Variants in ARFGEF1 observed in about 807,000 individuals in gnomAD.
ARFGEF1 encodes ARF guanine nucleotide exchange factor 1.
Under a neutral mutation model 231.0 loss-of-function variants are expected in ARFGEF1, and 42 were observed. That is an observed-to-expected ratio of 0.18 (90% CI 0.14 to 0.24). ARFGEF1 has a LOEUF of 0.24. Ranked by LOEUF, ARFGEF1 falls within the 10% of genes least tolerant of loss-of-function variation. The probability of loss-of-function intolerance (pLI) is 1.00; values close to 1 mark genes in which losing one functional copy is unlikely to be tolerated. For missense variants in ARFGEF1, 1,345 were observed against 2,192.0 expected (o/e 0.61, Z 7.72); for synonymous variants, 710 against 732.3 (o/e 0.97, Z 0.49).
In ARFGEF1 at chr8:67,218,030, C is replaced by A. The variant is rs142342517; in HGVS notation, c.4447G>T (p.Ala1483Ser). Reference sequence around the variant, plus strand: ...TGCTGCACACACCAGTAGAGCTGAGCAAAAATGTCATCCAAAAGTACATCA... The same window carrying A: ...TGCTGCACACACCAGTAGAGCTGAGAAAAAATGTCATCCAAAAGTACATCA... ...LSDVLLDDIF[A>S]QLYWCVQQDN... Residue 1483 changes from alanine (A) to serine (S), a missense_variant, in exon 31 of 39, where the codon GCT (alanine) becomes TCT (serine). Around this residue, in one of 14 missense-constraint regions of ARFGEF1, gnomAD observed 54 missense variants for 86.5 expected, o/e 0.62. Coordinates refer to ENST00000262215, the MANE Select transcript of ARFGEF1 (RefSeq NM_006421.5). 9,781 of 1,610,474 alleles carry A rather than the reference C, an allele frequency of 6.1e-3. 48 individuals carry two copies. The highest frequency in any genetic ancestry group is 7.1e-3 in the Non-Finnish European group (8,402 of 1,178,454).
At chr8:67,316,834 C>G (rs952135621) in intron 1 of ARFGEF1, among the ~76,000 whole-genome samples, 1 of 152,170 alleles carries the variant, frequency 6.6e-6, no homozygotes, top group African/African-American at 2.4e-5. Flanking sequence ...ACCCTTGACA[C>G]TTCCTGACAG....
At chr8:67,257,886 C>T (rs997919450) in intron 16 of ARFGEF1, 70 bp from the exon 17 acceptor site, 6 of 1,341,074 alleles carry the variant, frequency 4.5e-6, no homozygotes, top group Non-Finnish European at 3.1e-6. Flanking sequence ...TAAGTCACCT[C>T]AAATCCCATA....
intron 36 of ARFGEF1, 128 bp from the exon 37 acceptor site, chr8:67,201,733 C>T: frequency 4.0e-6 from 5 of 1,239,186 alleles, no homozygotes; most frequent in South Asian, 4.0e-5. Context: ...AACGGAGCCA[C>T]AGCAGCCTGA....
At chr8:67,340,308 A>G (rs1587356845) in intron 1 of ARFGEF1, among the ~76,000 whole-genome samples, 1 of 152,204 alleles carries the variant, frequency 6.6e-6, no homozygotes, top group South Asian at 2.1e-4. Context: ...GGGTTATAAC[A>G]CCACCCACAA....
chr8:67,302,706 T>C (rs1391411635), intron 1 of ARFGEF1, among the ~76,000 whole-genome samples: 2 of 152,122 alleles, frequency 1.3e-5, no homozygotes. Flanking sequence ...AGATTATTAA[T>C]TCCCAACGCA....
At chr8:67,307,086 G>T (rs769236724) in intron 1 of ARFGEF1, among the ~76,000 whole-genome samples, 3 of 152,152 alleles carry the variant, frequency 2.0e-5, no homozygotes, top group Non-Finnish European at 4.4e-5. Context: ...GCCACAAATG[G>T]ATAGTTTTTA....
chr8:67,281,221 A>G (rs1248810418), intron 7 of ARFGEF1, among the ~76,000 whole-genome samples: 1 of 152,196 alleles, frequency 6.6e-6, no homozygotes, highest in Non-Finnish European at 1.5e-5. Flanking sequence ...ATAGCAATCA[A>G]GGACATGATC....
chr8:67,334,486 G>A (rs1414388506), intron 1 of ARFGEF1, among the ~76,000 whole-genome samples: 3 of 152,128 alleles, frequency 2.0e-5, no homozygotes, highest in African/African-American at 7.2e-5. Flanking sequence ...TACACTGCTG[G>A]TGGGTATGTA....
intron 1 of ARFGEF1, among the ~76,000 whole-genome samples, chr8:67,305,395 GTTGTTTTTGT>G (rs1806692303): frequency 1.3e-5 from 2 of 151,974 alleles, no homozygotes; most frequent in African/African-American, 2.4e-5. Context: ...TGTTTCTCTA[GTTGTTTTTGT>G]TTGTTTTTGT....
chr8:67,210,236 G>A (rs1027808050), intron 34 of ARFGEF1, among the ~76,000 whole-genome samples: 1 of 151,672 alleles, frequency 6.6e-6, no homozygotes, highest in East Asian at 1.9e-4. Context: ...CAAGCATGTT[G>A]GGAAGCTGAG....
intron 1 of ARFGEF1, among the ~76,000 whole-genome samples, chr8:67,321,589 T>C (rs1459166990): frequency 6.6e-6 from 1 of 151,968 alleles, no homozygotes; most frequent in Non-Finnish European, 1.5e-5. Context: ...GCCTCCCGAG[T>C]AGCTGGGAGT....
intron 14 of ARFGEF1, among the ~76,000 whole-genome samples, chr8:67,264,494 T>C (rs1253846494): frequency 1.3e-5 from 2 of 152,078 alleles, no homozygotes; most frequent in Admixed American, 1.3e-4. Context: ...GTCTTTTGTT[T>C]TGGGTAGGAG....
chr8:67,250,473 G>A (rs1040739692), intron 19 of ARFGEF1, among the ~76,000 whole-genome samples: 7 of 152,176 alleles, frequency 4.6e-5, no homozygotes, highest in African/African-American at 1.7e-4. Flanking sequence ...CTTCATCAAC[G>A]TTTAGAAATA....
chr8:67,181,644 T>A lies in ARFGEF1; in HGVS notation c.561-6072A>T, dbSNP rs200258954. Among the ~76,000 whole-genome samples the A allele has an allele frequency of 4.5e-4, 68 of 152,306 alleles. 1 individual carries two copies. In the East Asian group the frequency reaches 0.012, roughly 28 times the overall value. On this transcript the variant is annotated intron_variant, in intron 5 of 5. Transcript: ENST00000518789. The stretch of plus-strand genomic sequence containing the variant: ...ATGTAAAGCTGATGGTTTCAGTGCA[T>A]TATTTTAAAAAATAGGGTTTTTAAA...
In ARFGEF1 at chr8:67,343,264, C is replaced by G; in HGVS notation, c.24G>C (p.Lys8Asn). 6.2e-7 allele frequency: 1 copy of G among 1,613,866 alleles called. No homozygotes were observed. The highest frequency in any genetic ancestry group is 8.5e-7 in the Non-Finnish European group (1 of 1,179,812). Residue 8 changes from lysine to asparagine, a missense_variant, in exon 1 of 39, where the codon AAG becomes AAC. Physicochemically the swap from Lys to Asn is moderately conservative, Grantham distance 94. Coordinates refer to ENST00000262215, the MANE Select transcript of ARFGEF1 (RefSeq NM_006421.5). MYEGKKT[K>N]NMFLTRALEK... ...CCAGAGCCCGGGTCAGGAACATGTT[C>G]TTCGTCTTCTTCCCCTCATACATGG...
At chr8:67,184,970 G>T (rs1321266384) in intron 5 of ARFGEF1, among the ~76,000 whole-genome samples, 1 of 146,058 alleles carries the variant, frequency 6.8e-6, no homozygotes, top group Non-Finnish European at 1.5e-5. Flanking sequence ...AAAAAAAGGT[G>T]GTGGGCACCT....
chr8:67,240,619 C>T (rs981163223), intron 19 of ARFGEF1, among the ~76,000 whole-genome samples: 1 of 152,152 alleles, frequency 6.6e-6, no homozygotes, highest in African/African-American at 2.4e-5. Flanking sequence ...TCTTTGTAAG[C>T]TTTGTCTCTT....
intron 29 of ARFGEF1, among the ~76,000 whole-genome samples, chr8:67,222,182 CAT>C (rs60905220): frequency 0.32 from 37,049 of 117,496 alleles, 5,384 homozygotes; most frequent in East Asian, 0.39. Context: ...TATATATACA[CAT>C]ATATATATAT....
intron 14 of ARFGEF1, among the ~76,000 whole-genome samples, chr8:67,265,301 A>G (rs1334619144): frequency 2.0e-5 from 3 of 152,218 alleles, no homozygotes; most frequent in Admixed American, 2.0e-4. Flanking sequence ...GAAATGCTTT[A>G]CAGAAGTAGC....
Sources: gnomAD v4.1 joint callset for allele counts (sites outside exome capture counted in the v4.1 genomes callset) on GRCh38, gnomAD v4.1.1 for gene constraint, gnomAD v4.1.1 regional missense constraint, MANE v1.5 for transcripts, NCBI Gene and HGNC (gene_info 2026-07-23, HGNC 2026-07-21) for gene names.